NKAIN3: variants seen among roughly 807,000 people sequenced by gnomAD.
NKAIN3 encodes sodium/potassium-transporting ATPase subunit beta-1-interacting protein 3.
A neutral mutation model predicts 30.2 loss-of-function variants in NKAIN3; 25 were observed. The observed-to-expected ratio is 0.83, with a 90% CI of 0.60 to 1.16. NKAIN3 has a LOEUF of 1.16. NKAIN3 is among the 50% of genes most tolerant of loss of function. The probability of loss-of-function intolerance (pLI) is 0.00; values close to 1 mark genes in which losing one functional copy is unlikely to be tolerated. For synonymous variants in NKAIN3, 91 were observed against 89.6 expected (o/e 1.02, Z -0.09); for missense variants, 225 against 254.1 (o/e 0.89, Z 0.78).
At chr8:62,321,589 G>T (rs552154109) in intron 1 of NKAIN3, among the ~76,000 whole-genome samples, 83 of 152,346 alleles carry the variant, frequency 5.4e-4, no homozygotes, top group African/African-American at 1.9e-3. Flanking sequence ...TTTGCTGGAA[G>T]TCCACTCCAG....
In NKAIN3 at chr8:62,345,955, A is replaced by T. The variant is rs145270200; in HGVS notation, c.54+96828A>T. On this transcript the variant is annotated intron_variant, in intron 1 of 6. Transcript: ENST00000623646. ...GAAACTAGAGAACATTATGTAAGTG[A>T]AGCAAGCCAGGCACAGAAAGACAAA... Among the ~76,000 whole-genome samples, 47 of 152,216 alleles carry T rather than the reference A, an allele frequency of 3.1e-4. 1 individual carries two copies. The East Asian group carries it at 8.3e-3, about 27-fold the overall frequency.
chr8:62,783,893 C>T (rs1817435172), intron 4 of NKAIN3, among the ~76,000 whole-genome samples: 1 of 152,082 alleles, frequency 6.6e-6, no homozygotes, highest in Non-Finnish European at 1.5e-5. Context: ...GATCCACATT[C>T]TTCAGCCTCC....
At chr8:62,711,317 C>A (rs1033966897) in intron 3 of NKAIN3, among the ~76,000 whole-genome samples, 7 of 152,152 alleles carry the variant, frequency 4.6e-5, no homozygotes, top group African/African-American at 9.7e-5. Flanking sequence ...CTCGATTATT[C>A]CCCCAAATAT....
chr8:62,766,045 A>G (rs1816827313), intron 4 of NKAIN3, among the ~76,000 whole-genome samples: 1 of 152,188 alleles, frequency 6.6e-6, no homozygotes, highest in Non-Finnish European at 1.5e-5. Flanking sequence ...CATCAACATC[A>G]AGTATTGATT....
chr8:62,564,003 G>A (rs558706376), intron 1 of NKAIN3, among the ~76,000 whole-genome samples: 1 of 152,256 alleles, frequency 6.6e-6, no homozygotes, highest in African/African-American at 2.4e-5. Flanking sequence ...TCAAAGGACA[G>A]AGAAAGCCCA....
chr8:62,616,496 G>A (rs992418479), intron 3 of NKAIN3, among the ~76,000 whole-genome samples: 14 of 152,152 alleles, frequency 9.2e-5, no homozygotes, highest in East Asian at 5.8e-4. Flanking sequence ...ATATGAGGGC[G>A]AGGTTTCCAT....
intron 1 of NKAIN3, among the ~76,000 whole-genome samples, chr8:62,476,832 T>C (rs1022198698): frequency 6.6e-6 from 1 of 152,186 alleles, no homozygotes; most frequent in Non-Finnish European, 1.5e-5. Context: ...TTTTAACATC[T>C]GTTGGCTTGT....
intron 5 of NKAIN3, among the ~76,000 whole-genome samples, chr8:62,942,215 CAT>C (rs1206628927): frequency 0.046 from 1,787 of 38,480 alleles, 45 homozygotes; most frequent in African/African-American, 0.18. Flanking sequence ...TATATATACA[CAT>C]ATATATACAT....
chr8:62,835,348 G>A (rs913814895), intron 4 of NKAIN3, among the ~76,000 whole-genome samples: 8 of 152,046 alleles, frequency 5.3e-5, no homozygotes, highest in South Asian at 2.1e-4. Flanking sequence ...AAGAGCTTCC[G>A]CACAACAAAA....
chr8:62,836,338 T>C (rs907946162), intron 4 of NKAIN3, among the ~76,000 whole-genome samples: 2 of 152,068 alleles, frequency 1.3e-5, no homozygotes, highest in South Asian at 4.1e-4. Flanking sequence ...GTTGAAATTA[T>C]TTTTAAAAAA....
chr8:62,960,571 C>T (rs968112665), intron 6 of NKAIN3, among the ~76,000 whole-genome samples: 8 of 151,702 alleles, frequency 5.3e-5, no homozygotes, highest in African/African-American at 1.9e-4. Flanking sequence ...GAGAAAGTAT[C>T]CTCTGATTTT....
intron 1 of NKAIN3, among the ~76,000 whole-genome samples, chr8:62,500,429 G>GAAAGA (rs1223014996): frequency 6.8e-5 from 1 of 14,658 alleles, no homozygotes; most frequent in South Asian, 2.4e-3. Flanking sequence ...AGAAAGGAAA[G>GAAAGA]AAAGAAAGAA....
At chr8:62,777,533 G>A (rs1217552966) in intron 4 of NKAIN3, among the ~76,000 whole-genome samples, 2 of 151,984 alleles carry the variant, frequency 1.3e-5, no homozygotes, top group East Asian at 3.9e-4. Context: ...CATAACTACT[G>A]CTTGATTATT....
At chr8:62,486,476 A>G (rs1806907289) in intron 1 of NKAIN3, among the ~76,000 whole-genome samples, 1 of 152,156 alleles carries the variant, frequency 6.6e-6, no homozygotes, top group Non-Finnish European at 1.5e-5. Flanking sequence ...TTAATGTATT[A>G]GATATTTGAA....
At chr8:62,872,842 G>T (rs896054406) in intron 4 of NKAIN3, among the ~76,000 whole-genome samples, 2 of 152,106 alleles carry the variant, frequency 1.3e-5, no homozygotes, top group Non-Finnish European at 2.9e-5. Context: ...CACCAGGCCT[G>T]CTCTTCAAGA....
intron 4 of NKAIN3, among the ~76,000 whole-genome samples, chr8:62,898,158 A>G (rs1260785482): frequency 3.3e-5 from 5 of 152,174 alleles, no homozygotes. Context: ...TCATGTTAAT[A>G]TAGTTCTGGG....
chr8:62,595,908 G>T (rs368532218), intron 3 of NKAIN3, among the ~76,000 whole-genome samples: 46 of 152,112 alleles, frequency 3.0e-4, no homozygotes, highest in African/African-American at 1.0e-3. Context: ...AGAACGATTT[G>T]TAGTTTTACA....
At chr8:62,506,476 C>CTTTTTTTTTTTTTTTTT (rs71255341) in intron 1 of NKAIN3, among the ~76,000 whole-genome samples, 5 of 98,436 alleles carry the variant, frequency 5.1e-5, no homozygotes, top group East Asian at 3.0e-4. Context: ...TTCTTTCTTT[C>CTTTTTTTTTTTTTTTTT]TTTTTTTTTT....
chr8:62,345,061 G>A lies in NKAIN3; in HGVS notation c.54+95934G>A, dbSNP rs1203331273. On this transcript the variant is annotated intron_variant, in intron 1 of 6. Coordinates refer to ENST00000623646, the MANE Select transcript of NKAIN3 (RefSeq NM_001304533.3). ...TCCTAGTTGTTTTATTTTATTTTTT[G>A]GTAGCTATTGGAAATGGGATTGCTT... 2.0e-5 allele frequency among the ~76,000 whole-genome samples: 3 copies of A among 151,136 alleles called. No homozygotes were observed. In the East Asian group the frequency reaches 5.8e-4, roughly 29 times the overall value.
Sources: gnomAD v4.1 joint callset for allele counts (sites outside exome capture counted in the v4.1 genomes callset) on GRCh38, gnomAD v4.1.1 for gene constraint, MANE v1.5 for transcripts, NCBI Gene and HGNC (gene_info 2026-07-23, HGNC 2026-07-21) for gene names.